TNFRSF10B: variants seen among roughly 807,000 people sequenced by gnomAD.
TNFRSF10B encodes TNF receptor superfamily member 10b, also known as tumor necrosis factor receptor superfamily member 10B.
TNFRSF10B carries 35 observed loss-of-function variants against 41.4 expected under a neutral mutation model. The ratio of observed to expected loss-of-function variants is 0.85; its 90% CI spans 0.65 to 1.12. The LOEUF is 1.12. Ranked by LOEUF, TNFRSF10B falls within the 50% of genes most tolerant of loss-of-function variation. The pLI is 0.00. For synonymous variants in TNFRSF10B, 230 were observed against 215.5 expected (o/e 1.07, Z -0.59); for missense variants, 584 against 552.7 (o/e 1.06, Z -0.57).
chr8:23,041,755 C>A (rs1414441624), intron 2 of TNFRSF10B, among the ~76,000 whole-genome samples: 2 of 152,148 alleles, frequency 1.3e-5, no homozygotes, highest in Admixed American at 1.3e-4. Context: ...ACATCTCAGT[C>A]CTTGACACTT....
At chr8:23,043,068 G>C (rs781296870) in intron 2 of TNFRSF10B, 70 bp downstream of exon 2, 21 of 1,445,152 alleles carry the variant, frequency 1.5e-5, no homozygotes, top group Non-Finnish European at 1.9e-5. Context: ...GAAGTGCAAA[G>C]GAAACAGACT....
At chr8:23,049,306 G>T (rs1397038085) in intron 1 of TNFRSF10B, among the ~76,000 whole-genome samples, 1 of 151,854 alleles carries the variant, frequency 6.6e-6, no homozygotes, top group African/African-American at 2.4e-5. Context: ...GCCTTTCCTG[G>T]GCCTTAAAGC....
intron 2 of TNFRSF10B, among the ~76,000 whole-genome samples, chr8:23,034,054 T>C (rs146126078): frequency 2.0e-5 from 3 of 152,228 alleles, no homozygotes; most frequent in Non-Finnish European, 4.4e-5. Flanking sequence ...TATTTACTTA[T>C]ATGATTTAAA....
intron 1 of TNFRSF10B, among the ~76,000 whole-genome samples, chr8:23,051,238 C>A (rs925799935): frequency 1.3e-5 from 2 of 152,248 alleles, no homozygotes; most frequent in Admixed American, 1.3e-4. Context: ...AAAGACTAGT[C>A]AAATGCTTTT....
chr8:23,039,639 G>A (rs2128814479), intron 2 of TNFRSF10B, among the ~76,000 whole-genome samples: 1 of 152,260 alleles, frequency 6.6e-6, no homozygotes, highest in African/African-American at 2.4e-5. Context: ...ATTTGGCCAA[G>A]TATCTGGGTA....
chr8:23,068,434 ACAAAAT>A (rs1192240261), intron 1 of TNFRSF10B: 4 of 466,476 alleles, frequency 8.6e-6, no homozygotes, highest in African/African-American at 8.1e-5. Context: ...AGGAAAGAAA[ACAAAAT>A]CAAAGTCCGA....
At chr8:23,025,511 GCTGT>G (rs759230505) in intron 7 of TNFRSF10B, among the ~76,000 whole-genome samples, 39 of 152,222 alleles carry the variant, frequency 2.6e-4, no homozygotes, top group East Asian at 1.5e-3. Flanking sequence ...AAACATATTT[GCTGT>G]CTAAGATATT....
intron 2 of TNFRSF10B, among the ~76,000 whole-genome samples, chr8:23,040,994 T>C (rs1214948973): frequency 6.6e-6 from 1 of 152,024 alleles, no homozygotes; most frequent in African/African-American, 2.4e-5. Context: ...TCCATGTGGC[T>C]CAATGACTTA....
chr8:23,028,658 G>A (rs1212577120), intron 4 of TNFRSF10B, 56 bp from the exon 5 acceptor site: 4 of 1,606,026 alleles, frequency 2.5e-6, no homozygotes, highest in African/African-American at 1.3e-5. Flanking sequence ...TGGCCAGGTG[G>A]GATGAAAGAG....
Position 23,021,522 on chromosome 8 carries a change from A to G in TNFRSF10B, c.*1149T>C, listed in dbSNP as rs1180545034. On this transcript the variant is annotated 3_prime_UTR_variant, in exon 9 of 9. Coordinates refer to ENST00000276431, the MANE Select transcript of TNFRSF10B (RefSeq NM_003842.5). The stretch of plus-strand genomic sequence containing the variant: ...CTGAGCCCAAACAGGGCTCAAGTTC[A>G]CTTGGGATATGACATAGACCCTATT... 4.4e-6 allele frequency: 2 copies of G among 454,110 alleles called. No individual in the cohort carries two copies. Among genetic ancestry groups the G allele is most frequent in the South Asian group, 3.1e-5 (2 of 64,472 alleles). 28.1% of individuals were successfully genotyped at this position (454,110 alleles called of 1,614,324 possible). A position where few individuals can be genotyped will look rare whatever the true frequency, so the allele number is the denominator to read the frequency against.
chr8:23,064,922 A>T (rs1426936083), intron 1 of TNFRSF10B, among the ~76,000 whole-genome samples: 2 of 152,190 alleles, frequency 1.3e-5, no homozygotes, highest in Non-Finnish European at 2.9e-5. Flanking sequence ...TAAGCAAACC[A>T]TATTATCCTG....
chr8:23,055,841 A>T (rs924951203), intron 1 of TNFRSF10B, among the ~76,000 whole-genome samples: 2 of 152,242 alleles, frequency 1.3e-5, no homozygotes, highest in Non-Finnish European at 2.9e-5. Flanking sequence ...TTCAGGACTC[A>T]GACCTTAGTT....
At chr8:23,028,709 G>C (rs1037386482) in intron 4 of TNFRSF10B, 107 bp from the exon 5 acceptor site, 2 of 1,397,138 alleles carry the variant, frequency 1.4e-6, no homozygotes, top group Non-Finnish European at 2.0e-6. Flanking sequence ...AAGGTGTCAG[G>C]GGAAGGACAG....
At chr8:23,049,725 C>T (rs1812464707) in intron 1 of TNFRSF10B, 1 of 152,224 alleles carries the variant, frequency 6.6e-6, no homozygotes, top group South Asian at 2.1e-4. Flanking sequence ...GAAATAAAAA[C>T]TCTCTTCCTC....
At chr8:23,033,870 A>G (rs917157078) in intron 2 of TNFRSF10B, among the ~76,000 whole-genome samples, 6 of 152,026 alleles carry the variant, frequency 3.9e-5, no homozygotes, top group African/African-American at 1.4e-4. Flanking sequence ...TTAAAAAGGC[A>G]CTAATCCCAT....
chr8:23,065,197 T>C (rs1812947827), intron 1 of TNFRSF10B, among the ~76,000 whole-genome samples: 1 of 152,110 alleles, frequency 6.6e-6, no homozygotes, highest in Admixed American at 6.5e-5. Context: ...GAGTAAAGGG[T>C]TCCTCCTCTA....
intron 5 of TNFRSF10B, 48 bp from the exon 6 acceptor site, chr8:23,027,801 CACCCCCCTCCCAGAGG>C (rs775141641): frequency 1.2e-6 from 2 of 1,612,358 alleles, no homozygotes; most frequent in Non-Finnish European, 1.7e-6. Flanking sequence ...GCCCATGAAG[CACCCCCCTCCCAGAGG>C]ACAGTGGGGC....
At position 23,020,810 on chromosome 8, in the gene TNFRSF10B, T is replaced by G; in HGVS notation, c.*1861A>C. 1 of 454,164 alleles carries G rather than the reference T, an allele frequency of 2.2e-6. No homozygotes were observed. Among genetic ancestry groups the G allele is most frequent in the Non-Finnish European group, 4.4e-6 (1 of 226,796 alleles). The allele number at this position is 454,164 out of a possible 1,614,324, so 28.1% of individuals were successfully genotyped here. A position where few individuals can be genotyped will look rare whatever the true frequency, so the allele number is the denominator to read the frequency against. On this transcript the variant is annotated 3_prime_UTR_variant, in exon 9 of 9. Coordinates refer to ENST00000276431, the MANE Select transcript of TNFRSF10B (RefSeq NM_003842.5). ...GACCTGGGACCGGACTGGCACCTTC[T>G]GAGCCCTGAGGCTGAGCGTCCTGCA... is the stretch of plus-strand genomic sequence containing the variant.
At chr8:23,034,753 A>C (rs1474685339) in intron 2 of TNFRSF10B, among the ~76,000 whole-genome samples, 1 of 152,214 alleles carries the variant, frequency 6.6e-6, no homozygotes, top group Admixed American at 6.5e-5. Flanking sequence ...AAAGCAATAC[A>C]ACATTCCTGG....
Sources: gnomAD v4.1 joint callset for allele counts (sites outside exome capture counted in the v4.1 genomes callset) on GRCh38, gnomAD v4.1.1 for gene constraint, MANE v1.5 for transcripts, NCBI Gene and HGNC (gene_info 2026-07-23, HGNC 2026-07-21) for gene names.